The following CES5A variants were observed in gnomAD, a reference collection of about 807,000 sequenced individuals.
CES5A encodes carboxylesterase 5A.
Under a neutral mutation model 62.9 loss-of-function variants are expected in CES5A, and 67 were observed. The observed-to-expected ratio is 1.07, with a 90% CI of 0.88 to 1.31. The LOEUF (loss-of-function observed/expected upper bound fraction) is 1.31, where lower values mean the gene tolerates loss of function less well. Ranked by LOEUF, CES5A falls within the 50% of genes most tolerant of loss-of-function variation. The pLI is 0.00. For synonymous variants in CES5A, 296 were observed against 280.8 expected, an observed-to-expected ratio of 1.05 and a Z score of -0.54; for missense variants, 748 against 708.5, an observed-to-expected ratio of 1.06 and a Z score of -0.63.
At chr16:55,911,445 A>T (rs934737159) in intron 1 of CES5A, among the ~76,000 whole-genome samples, 18 of 152,226 alleles carry the variant, frequency 1.2e-4, no homozygotes, top group Non-Finnish European at 4.4e-5. Flanking sequence ...CAGAACTTGA[A>T]TAATACTCAC....
In CES5A at chr16:55,846,776, A is replaced by C. The variant is rs1258127247; in HGVS notation, c.1488T>G (p.Ala496=). 2.5e-6 allele frequency: 4 copies of C among 1,614,032 alleles called. No individual in the cohort carries two copies. Among genetic ancestry groups the C allele is most frequent in the Non-Finnish European group, 3.4e-6 (4 of 1,180,012 alleles). The change falls in exon 12 of 13, where the codon GCT becomes GCG. Residue 496 remains alanine (A), a synonymous_variant. Transcript: ENST00000290567. ...RKMMKYWATF[A]RTGNPNGNDL... ...CCGGGAGGTTTACTTACCCGGTTCG[A>C]GCAAAGGTAGCCCAGTATTTCATCA... is the stretch of plus-strand genomic sequence containing the variant.
At chr16:55,864,966 G>A (rs1471500443) in intron 5 of CES5A, among the ~76,000 whole-genome samples, 1 of 152,028 alleles carries the variant, frequency 6.6e-6, no homozygotes. Context: ...CAGCACTTTG[G>A]GAACCCAAGG....
intron 2 of CES5A, among the ~76,000 whole-genome samples, chr16:55,935,455 C>A (rs1438719931): frequency 6.6e-6 from 1 of 152,190 alleles, no homozygotes; most frequent in African/African-American, 2.4e-5. Flanking sequence ...CTAAAAACAG[C>A]CTCACTGACA....
chr16:55,947,076 G>A (rs2034503273), intron 2 of CES5A, among the ~76,000 whole-genome samples: 1 of 152,256 alleles, frequency 6.6e-6, no homozygotes, highest in African/African-American at 2.4e-5. Flanking sequence ...AGAGAGCCAA[G>A]TACTTGGGGC....
At chr16:55,895,733 C>G (rs113900787) in intron 1 of CES5A, among the ~76,000 whole-genome samples, 1 of 152,124 alleles carries the variant, frequency 6.6e-6, no homozygotes, top group Non-Finnish European at 1.5e-5. Flanking sequence ...GTATTTTACA[C>G]GTGAGAAGAA....
At chr16:55,870,536 A>G (rs1441267740) in intron 3 of CES5A, among the ~76,000 whole-genome samples, 1 of 152,128 alleles carries the variant, frequency 6.6e-6, no homozygotes, top group Non-Finnish European at 1.5e-5. Flanking sequence ...GCCTGTCTCT[A>G]CTAAACAAAA....
intron 2 of CES5A, among the ~76,000 whole-genome samples, chr16:55,948,457 T>C (rs1371828716): frequency 6.6e-6 from 1 of 151,742 alleles, no homozygotes; most frequent in Non-Finnish European, 1.5e-5. Flanking sequence ...CATCTCGGGG[T>C]AGGCGGTGGA....
chr16:55,931,496 C>T (rs1313841062), intron 2 of CES5A, among the ~76,000 whole-genome samples: 1 of 152,172 alleles, frequency 6.6e-6, no homozygotes, highest in African/African-American at 2.4e-5. Flanking sequence ...GATGATCTGG[C>T]CCTTGCTCTG....
upstream of CES5A, among the ~76,000 whole-genome samples, chr16:55,927,748 G>C (rs2034272938): frequency 6.6e-6 from 1 of 152,148 alleles, no homozygotes; most frequent in Admixed American, 6.5e-5. Flanking sequence ...TCTACCATTT[G>C]ATCCAGCAAT....
chr16:55,866,402 T>A (rs1467257827), intron 4 of CES5A, among the ~76,000 whole-genome samples: 11 of 152,184 alleles, frequency 7.2e-5, no homozygotes, highest in African/African-American at 2.7e-4. Flanking sequence ...TCCCAATCCA[T>A]GAATCCTGTG....
chr16:55,898,293 G>A (rs528120872), intron 1 of CES5A, among the ~76,000 whole-genome samples: 10 of 152,276 alleles, frequency 6.6e-5, no homozygotes, highest in East Asian at 3.9e-4. Flanking sequence ...ACTCTGAAAC[G>A]TGGCCATGAG....
At chr16:55,938,839 C>CAT (rs141696132) in intron 2 of CES5A, among the ~76,000 whole-genome samples, 36,113 of 119,964 alleles carry the variant, frequency 0.3, 5,701 homozygotes, top group Middle Eastern at 0.37. Flanking sequence ...TATATATACA[C>CAT]ATATATATAT....
chr16:55,869,537 G>T (rs1201234040), intron 4 of CES5A, 74 bp downstream of exon 4: 73 of 1,519,646 alleles, frequency 4.8e-5, no homozygotes, highest in Non-Finnish European at 6.4e-5. Context: ...TTCTTAGGTT[G>T]CTGGGCACTG....
chr16:55,913,657 A>T (rs554833414), intron 1 of CES5A, among the ~76,000 whole-genome samples: 1 of 152,272 alleles, frequency 6.6e-6, no homozygotes, highest in South Asian at 2.1e-4. Flanking sequence ...GTTAGATCTG[A>T]TTTCTTTCAC....
At chr16:55,896,791 G>T (rs1281843641) in intron 1 of CES5A, among the ~76,000 whole-genome samples, 1 of 152,120 alleles carries the variant, frequency 6.6e-6, no homozygotes, top group Non-Finnish European at 1.5e-5. Flanking sequence ...TGACAACACT[G>T]CAAGGAGGGT....
intron 1 of CES5A, among the ~76,000 whole-genome samples, chr16:55,917,028 A>G (rs2034154104): frequency 6.6e-6 from 1 of 152,152 alleles, no homozygotes; most frequent in Non-Finnish European, 1.5e-5. Context: ...TGGCATCTTT[A>G]TGCCCATTCA....
chr16:55,856,103 C>A (rs2033237562), intron 9 of CES5A, among the ~76,000 whole-genome samples: 1 of 152,072 alleles, frequency 6.6e-6, no homozygotes, highest in South Asian at 2.1e-4. Flanking sequence ...TGAGGCCTCC[C>A]GAGAAGCTGA....
chr16:55,868,106 A>G (rs1459939841), intron 4 of CES5A, among the ~76,000 whole-genome samples: 2 of 152,198 alleles, frequency 1.3e-5, no homozygotes, highest in African/African-American at 2.4e-5. Flanking sequence ...TTTCCCTATC[A>G]GGCCTGTCCT....
intron 1 of CES5A, chr16:55,955,747 G>T (rs1396299502): frequency 5.2e-6 from 7 of 1,338,780 alleles, no homozygotes; most frequent in Non-Finnish European, 7.2e-6. Flanking sequence ...GACAAAGTTG[G>T]GTGGGTAAAT....
Sources: allele counts gnomAD v4.1 joint callset (sites outside exome capture counted in the v4.1 genomes callset), GRCh38; gene constraint gnomAD v4.1.1; transcripts MANE v1.5; gene names NCBI Gene and HGNC (gene_info 2026-07-23, HGNC 2026-07-21).